THADA: variants seen among roughly 807,000 people sequenced by gnomAD.
The protein encoded by THADA is THADA armadillo repeat containing, also known as tRNA (32-2'-O)-methyltransferase regulator THADA.
THADA carries 213 observed loss-of-function variants against 219.8 expected under a neutral mutation model. The observed-to-expected ratio is 0.97, with a 90% CI of 0.87 to 1.09. The LOEUF is 1.09. THADA is among the 50% of genes least tolerant of loss of function. THADA has a pLI of 0.00. For missense variants in THADA, 2,956 were observed against 2,311.3 expected, an observed-to-expected ratio of 1.28 and a Z score of -5.72; for synonymous variants, 1,018 against 828.9, an observed-to-expected ratio of 1.23 and a Z score of -3.92.
intron 36 of THADA, among the ~76,000 whole-genome samples, chr2:43,271,696 C>T (rs1165582508): frequency 6.7e-6 from 1 of 150,186 alleles, no homozygotes; most frequent in Non-Finnish European, 1.5e-5. Flanking sequence ...CTCACTGCAA[C>T]CTCCACCTCC....
At chr2:43,477,124 G>A (rs993360861) in intron 26 of THADA, among the ~76,000 whole-genome samples, 1 of 152,138 alleles carries the variant, frequency 6.6e-6, no homozygotes, top group African/African-American at 2.4e-5. Context: ...CTTTCTCACA[G>A]TAGATATATC....
At chr2:43,547,979 TC>T in intron 20 of THADA, among the ~76,000 whole-genome samples, 1 of 152,192 alleles carries the variant, frequency 6.6e-6, no homozygotes, top group East Asian at 1.9e-4. Context: ...CTCTGTTTTT[TC>T]CCCATCTTTG....
chr2:43,368,440 G>A (rs543492716), intron 29 of THADA, among the ~76,000 whole-genome samples: 10 of 152,078 alleles, frequency 6.6e-5, no homozygotes, highest in South Asian at 2.1e-4. Context: ...TCTGTCGCCC[G>A]GGCTGGAGTG....
chr2:43,375,227 T>C (rs1573340491), intron 29 of THADA, among the ~76,000 whole-genome samples: 1 of 152,200 alleles, frequency 6.6e-6, no homozygotes, highest in South Asian at 2.1e-4. Flanking sequence ...TTAAGTGACT[T>C]GCCCTAGCAA....
rs148313902 is a variant in THADA, at chr2:43,428,796, C to T, written c.3927-565G>A. 1.3e-4 allele frequency among the ~76,000 whole-genome samples: 20 copies of T among 152,056 alleles called. No homozygotes were observed. The East Asian group carries it at 2.7e-3, about 21-fold the overall frequency. Reference sequence around the variant, plus strand: ...GCTTATCATTTACATAATTAGAGTACGCTATTTTGATTAGAACTGTTCCTA... The same window carrying T: ...GCTTATCATTTACATAATTAGAGTATGCTATTTTGATTAGAACTGTTCCTA... On this transcript the variant is annotated intron_variant, in intron 27 of 37. Transcript: ENST00000405975.
intron 28 of THADA, among the ~76,000 whole-genome samples, chr2:43,422,864 C>A (rs114456198): frequency 3.3e-5 from 5 of 152,094 alleles, no homozygotes; most frequent in African/African-American, 1.2e-4. Context: ...GGACTACAGG[C>A]GCAAATCACC....
At chr2:43,313,703 A>C (rs1335336016) in intron 31 of THADA, among the ~76,000 whole-genome samples, 1 of 152,232 alleles carries the variant, frequency 6.6e-6, no homozygotes, top group Non-Finnish European at 1.5e-5. Flanking sequence ...AAAGCCTGTG[A>C]CGTGGAAGCT....
At chr2:43,431,388 G>A (rs2104824338) in intron 26 of THADA, among the ~76,000 whole-genome samples, 1 of 152,128 alleles carries the variant, frequency 6.6e-6, no homozygotes, top group East Asian at 1.9e-4. Context: ...CCCCACAAAG[G>A]AACCTCTGAT....
At chr2:43,314,969 T>C (rs180975860) in intron 31 of THADA, among the ~76,000 whole-genome samples, 8 of 152,342 alleles carry the variant, frequency 5.3e-5, no homozygotes, top group African/African-American at 1.9e-4. Context: ...CTTAAGCTTT[T>C]CTAATAATCT....
In THADA at chr2:43,586,264, CAAA is replaced by C. The variant is rs1169672519; in HGVS notation, c.533+134_533+136del. 5 of 753,378 alleles carry C rather than the reference CAAA, an allele frequency of 6.6e-6. No individual in the cohort carries two copies. In the African/African-American group the frequency reaches 9.2e-5, roughly 14 times the overall value. 46.7% of individuals were successfully genotyped at this position (753,378 alleles called of 1,614,324 possible). ...TGGGTGACACAGCAAGACCCCATCT[CAAA>C]AAAAATATAAAAGTGATAATATTAA... On this transcript the variant is annotated intron_variant, in intron 7 of 37. Transcript: ENST00000405975.
intron 15 of THADA, 53 bp from the exon 16 acceptor site, chr2:43,560,438 T>C (rs1221825982): frequency 7.5e-7 from 1 of 1,337,968 alleles, no homozygotes; most frequent in African/African-American, 1.5e-5. Flanking sequence ...AAGAAATCAG[T>C]CTTCTGAAGT....
At chr2:43,249,421 C>T (rs567306652) in intron 36 of THADA, among the ~76,000 whole-genome samples, 1 of 152,258 alleles carries the variant, frequency 6.6e-6, no homozygotes, top group African/African-American at 2.4e-5. Flanking sequence ...CTCCTTGCTT[C>T]CAGTCTTGTC....
intron 28 of THADA, among the ~76,000 whole-genome samples, chr2:43,415,392 C>T (rs921161041): frequency 1.3e-5 from 2 of 152,126 alleles, no homozygotes; most frequent in African/African-American, 4.8e-5. Flanking sequence ...ACATCTGGCC[C>T]TTCCAGTGGC....
At chr2:43,486,056 C>T (rs1428331970) in intron 25 of THADA, among the ~76,000 whole-genome samples, 1 of 151,778 alleles carries the variant, frequency 6.6e-6, no homozygotes, top group African/African-American at 2.4e-5. Flanking sequence ...TGTGCTCCAG[C>T]CTGGGCAAAA....
chr2:43,552,411 A>ATTC, intron 17 of THADA, 72 bp from the exon 18 acceptor site: 2 of 1,472,152 alleles, frequency 1.4e-6, no homozygotes, highest in Non-Finnish European at 9.1e-7. Context: ...ACAGCAAAAT[A>ATTC]GTTCCCATTA....
At chr2:43,261,797 C>T (rs970451446) in intron 36 of THADA, among the ~76,000 whole-genome samples, 3 of 152,138 alleles carry the variant, frequency 2.0e-5, no homozygotes, top group African/African-American at 7.2e-5. Context: ...CCACCATGCC[C>T]AGCTAATTTC....
chr2:43,388,440 G>A (rs1289458180), intron 29 of THADA, among the ~76,000 whole-genome samples: 1 of 152,198 alleles, frequency 6.6e-6, no homozygotes, highest in Non-Finnish European at 1.5e-5. Flanking sequence ...CTTGGAATGT[G>A]CTAGATTAAT....
chr2:43,370,833 A>G (rs1435215002), intron 29 of THADA, among the ~76,000 whole-genome samples: 2 of 152,216 alleles, frequency 1.3e-5, no homozygotes, highest in Non-Finnish European at 2.9e-5. Flanking sequence ...TTCAAAATCA[A>G]TGCACAGGGG....
chr2:43,276,757 C>A (rs1278430806), intron 36 of THADA, among the ~76,000 whole-genome samples: 1 of 152,130 alleles, frequency 6.6e-6, no homozygotes, highest in Non-Finnish European at 1.5e-5. Flanking sequence ...AAAACTTTGT[C>A]CTGGATCACA....
Sources: allele counts gnomAD v4.1 joint callset (sites outside exome capture counted in the v4.1 genomes callset), GRCh38; gene constraint gnomAD v4.1.1; transcripts MANE v1.5; gene names NCBI Gene and HGNC (gene_info 2026-07-23, HGNC 2026-07-21).